Variants in ATP6V0A4 observed in about 807,000 individuals in gnomAD.
ATP6V0A4 encodes the protein V-type proton ATPase 116 kDa subunit a 4.
ATP6V0A4 carries 86 observed loss-of-function variants against 107.3 expected under a neutral mutation model. The ratio of observed to expected loss-of-function variants is 0.80; its 90% CI spans 0.67 to 0.96. ATP6V0A4 has a LOEUF of 0.96. Among genes scored for constraint, ATP6V0A4 ranks in the 40% least tolerant of loss-of-function variants. The probability of loss-of-function intolerance (pLI) is 0.00; values close to 1 mark genes in which losing one functional copy is unlikely to be tolerated. For missense variants in ATP6V0A4, 908 were observed against 1,045.6 expected (o/e 0.87, Z 1.81); for synonymous variants, 353 against 381.4 (o/e 0.93, Z 0.87).
At chr7:138,775,450 G>C (rs981102443) in intron 2 of ATP6V0A4, among the ~76,000 whole-genome samples, 1 of 151,848 alleles carries the variant, frequency 6.6e-6, no homozygotes, top group African/African-American at 2.4e-5. Context: ...CTTAATTCTA[G>C]GATTCAAGTT....
intron 19 of ATP6V0A4, among the ~76,000 whole-genome samples, chr7:138,721,245 G>C (rs1454386036): frequency 6.6e-6 from 1 of 152,028 alleles, no homozygotes; most frequent in African/African-American, 2.4e-5. Context: ...ACATTATAAA[G>C]AGATCATAGG....
intron 18 of ATP6V0A4, among the ~76,000 whole-genome samples, chr7:138,725,798 C>A (rs553226121): frequency 9.7e-4 from 147 of 152,216 alleles, no homozygotes; most frequent in African/African-American, 3.4e-3. Context: ...CAGGCATGAG[C>A]CACTGTGCCC....
chr7:138,764,279 C>T (rs371210002), intron 5 of ATP6V0A4, among the ~76,000 whole-genome samples: 2 of 151,848 alleles, frequency 1.3e-5, no homozygotes, highest in South Asian at 2.1e-4. Flanking sequence ...TTGAATGCCC[C>T]TGTGGGTACC....
chr7:138,795,826 TG>T (rs200389089), intron 1 of ATP6V0A4, among the ~76,000 whole-genome samples: 14 of 150,088 alleles, frequency 9.3e-5, no homozygotes, highest in African/African-American at 3.1e-4. Flanking sequence ...TGTTTTTTTT[TG>T]TTTGTTTTGC....
chr7:138,797,208 CTTTTTTT>C (rs3842142), intron 1 of ATP6V0A4, among the ~76,000 whole-genome samples: 17 of 96,110 alleles, frequency 1.8e-4, no homozygotes, highest in East Asian at 1.3e-3. Flanking sequence ...ATGCCATTTT[CTTTTTTT>C]TTTTTTTTTT....
chr7:138,721,463 T>A (rs1804417622), intron 19 of ATP6V0A4, among the ~76,000 whole-genome samples: 1 of 151,970 alleles, frequency 6.6e-6, no homozygotes, highest in Non-Finnish European at 1.5e-5. Context: ...CACTTGAGCC[T>A]GGGAGGCGGA....
At chr7:138,780,169 T>A (rs1243617752) in intron 2 of ATP6V0A4, 3 of 152,192 alleles carry the variant, frequency 2.0e-5, no homozygotes. Flanking sequence ...AAAGCAGCAA[T>A]CCCCAACCTT....
Position 138,745,045 on chromosome 7 carries a change from G to GACTC in ATP6V0A4, c.1478+74_1478+77dup, listed in dbSNP as rs1444627522. 6 of 1,335,740 alleles carry GACTC rather than the reference G, an allele frequency of 4.5e-6. No individual in the cohort carries two copies. In the East Asian group the frequency reaches 6.9e-5, roughly 15 times the overall value. The allele number at this position is 1,335,740 out of a possible 1,614,324, so 82.7% of individuals were successfully genotyped here. ...GCACCTCTGAGTAGACCTAGGTGTA[G>GACTC]ACTCCCCCAACCATGAAAACAGTCA... On this transcript the variant is annotated intron_variant, in intron 14 of 21. Transcript: ENST00000310018.
Position 138,763,158 on chromosome 7 carries a change from TACACACAGACACACACAGAC to T in ATP6V0A4, c.292-153_292-134del, listed in dbSNP as rs535605039. The T allele has an allele frequency of 1.5e-5, 17 of 1,148,950 alleles. No homozygotes were observed. The East Asian group carries it at 2.3e-4, about 16-fold the overall frequency. The allele number at this position is 1,148,950 out of a possible 1,614,324, so 71.2% of individuals were successfully genotyped here. On this transcript the variant is annotated intron_variant, in intron 5 of 21. Coordinates refer to ENST00000310018, the MANE Select transcript of ATP6V0A4 (RefSeq NM_020632.3). ...ACATGATTGCAGACCCTAATACACA[TACACACAGACACACACAGAC>T]ACACACAGACACACACACACACACA...
intron 1 of ATP6V0A4, among the ~76,000 whole-genome samples, chr7:138,786,695 T>C (rs1031247840): frequency 6.6e-6 from 1 of 152,044 alleles, no homozygotes; most frequent in Non-Finnish European, 1.5e-5. Context: ...ATTCTCCCTA[T>C]GTTGCCCAGG....
In ATP6V0A4 at chr7:138,734,231, T is replaced by C; in HGVS notation, c.1596A>G (p.Lys532=). 1 of 1,613,354 alleles carries C rather than the reference T, an allele frequency of 6.2e-7. No homozygotes were observed. The highest frequency in any genetic ancestry group is 8.5e-7 in the Non-Finnish European group (1 of 1,179,612). The change falls in exon 16 of 22, where the codon AAA becomes AAG. Residue 532 remains lysine, a synonymous_variant. Coordinates refer to ENST00000310018, the MANE Select transcript of ATP6V0A4 (RefSeq NM_020632.3). ...IDPIWNLASN[K]LTFLNSYKMK... ...TTTTATACGAGTTCAGAAATGTGAGTTTGTTTGAAGCCAAGTTCCAAATCT... is the reference window on the plus strand; with the variant it reads ...TTTTATACGAGTTCAGAAATGTGAGCTTGTTTGAAGCCAAGTTCCAAATCT...
intron 5 of ATP6V0A4, among the ~76,000 whole-genome samples, chr7:138,766,844 A>G (rs1454743991): frequency 6.6e-6 from 1 of 152,256 alleles, no homozygotes; most frequent in African/African-American, 2.4e-5. Context: ...AAATCAAGAC[A>G]GGCTCTATGC....
intron 2 of ATP6V0A4, among the ~76,000 whole-genome samples, chr7:138,777,615 C>CAAAAA (rs67200252): frequency 8.9e-6 from 1 of 112,048 alleles, no homozygotes; most frequent in East Asian, 2.5e-4. Context: ...AACTCCGTCT[C>CAAAAA]AAAAAAAAAA....
intron 1 of ATP6V0A4, among the ~76,000 whole-genome samples, chr7:138,792,083 C>T (rs12154865): frequency 0.043 from 6,559 of 152,080 alleles, 187 homozygotes; most frequent in African/African-American, 0.082. Flanking sequence ...CCGAGGTGGG[C>T]AGATCACGAG....
chr7:138,788,687 G>T (rs1312263405), intron 1 of ATP6V0A4, among the ~76,000 whole-genome samples: 1 of 152,158 alleles, frequency 6.6e-6, no homozygotes, highest in Admixed American at 6.5e-5. Flanking sequence ...CCCACTTGTT[G>T]TGGGAGGGAC....
chr7:138,781,654 AT>A (rs1262482223), intron 2 of ATP6V0A4, among the ~76,000 whole-genome samples: 7 of 151,172 alleles, frequency 4.6e-5, no homozygotes, highest in Non-Finnish European at 8.8e-5. Context: ...TATACAGGCA[AT>A]GAAGTCATCT....
chr7:138,797,420 T>G (rs1808736014), intron 1 of ATP6V0A4, among the ~76,000 whole-genome samples: 1 of 151,646 alleles, frequency 6.6e-6, no homozygotes, highest in Non-Finnish European at 1.5e-5. Context: ...GTTTCACCAT[T>G]TTGGCCAGGC....
At chr7:138,736,835 T>G (rs1268386490) in intron 15 of ATP6V0A4, among the ~76,000 whole-genome samples, 1 of 151,898 alleles carries the variant, frequency 6.6e-6, no homozygotes, top group Non-Finnish European at 1.5e-5. Flanking sequence ...CCTCCCAAAG[T>G]GCTGGGATTA....
intron 7 of ATP6V0A4, among the ~76,000 whole-genome samples, chr7:138,761,719 G>A (rs553254009): frequency 4.6e-5 from 7 of 151,898 alleles, no homozygotes; most frequent in South Asian, 2.1e-4. Context: ...TTGCTCTGTC[G>A]CCCAGGCTAG....
Sources: allele counts gnomAD v4.1 joint callset (sites outside exome capture counted in the v4.1 genomes callset), GRCh38; gene constraint gnomAD v4.1.1; transcripts MANE v1.5; gene names NCBI Gene and HGNC (gene_info 2026-07-23, HGNC 2026-07-21).